The following SLC12A6 variants were observed in gnomAD, a reference collection of about 807,000 sequenced individuals.
The protein encoded by SLC12A6 is solute carrier family 12 member 6.
In SLC12A6, 66 loss-of-function variants were observed where a neutral mutation model predicts 135.3. That is an observed-to-expected ratio of 0.49 (90% CI 0.40 to 0.60). The LOEUF is 0.60. Ranked by LOEUF, SLC12A6 falls within the 20% of genes least tolerant of loss-of-function variation. The probability of loss-of-function intolerance (pLI) is 0.00; values close to 1 mark genes in which losing one functional copy is unlikely to be tolerated. For missense variants in SLC12A6, 1,058 were observed against 1,452.3 expected (o/e 0.73, Z 4.41); for synonymous variants, 513 against 508.8 (o/e 1.01, Z -0.11).
In SLC12A6 at chr15:34,252,270, G is replaced by A; in HGVS notation, c.1233C>T (p.Asn411=). ...AGGTGGCATTGAAAAATTGACTCGA[G>A]TTACAGAAGAATCCCCATAACTTTG... ...VPSKLWGFFC[N]SSQFFNATCD... is the part of the protein sequence containing the mutation. Residue 411 remains asparagine (N), a synonymous_variant, in exon 10 of 26, where the codon AAC becomes AAT. Transcript: ENST00000354181. 1 of 1,606,672 alleles carries A rather than the reference G, an allele frequency of 6.2e-7. No individual in the cohort carries two copies. Among genetic ancestry groups the A allele is most frequent in the Non-Finnish European group, 8.5e-7 (1 of 1,173,258 alleles).
intron 3 of SLC12A6, among the ~76,000 whole-genome samples, chr15:34,267,185 C>T (rs1407609725): frequency 1.3e-5 from 2 of 151,790 alleles, no homozygotes; most frequent in East Asian, 3.9e-4. Flanking sequence ...TTCCAATTTT[C>T]TCCTCCTGAC....
At position 34,257,657 on chromosome 15, in the gene SLC12A6, A is replaced by G. The variant is rs2140745919; in HGVS notation, c.675T>C (p.Leu225=). The G allele has an allele frequency of 6.2e-7, 1 of 1,613,802 alleles. No individual in the cohort carries two copies. Among genetic ancestry groups the G allele is most frequent in the Non-Finnish European group, 8.5e-7 (1 of 1,179,714 alleles). ...CAGTACTTACACAGCAGCAGCAGAT[A>G]AGGACAATTGCAAAAGCCTGAAGAA... ...AGVLQAFAIV[L]ICCCCTMLTA... Residue 225 remains leucine, a synonymous_variant, in exon 6 of 26, where the codon CTT becomes CTC. Coordinates refer to ENST00000354181, the MANE Select transcript of SLC12A6 (RefSeq NM_001365088.1).
At chr15:34,325,316 A>G (rs75871767) in intron 2 of SLC12A6, among the ~76,000 whole-genome samples, 1 of 152,228 alleles carries the variant, frequency 6.6e-6, no homozygotes, top group African/African-American at 2.4e-5. Flanking sequence ...AATATAAAAA[A>G]GATCACAAAT....
intron 2 of SLC12A6, among the ~76,000 whole-genome samples, chr15:34,304,514 G>A (rs919047647): frequency 6.6e-6 from 1 of 152,214 alleles, no homozygotes; most frequent in African/African-American, 2.4e-5. Flanking sequence ...AGTAGCAGAT[G>A]AGAGTTTCAA....
rs1430410967 is a variant in SLC12A6, at chr15:34,254,376, T to C, written c.1090A>G (p.Lys364Glu). ...SILAIYAGAI[K>E]SSFAPPHFPV... The stretch of plus-strand genomic sequence containing the variant: ...AAGTGTGGAGGAGCAAAAGAAGACT[T>C]GATGGCTCCAGCATAGATGGCCAAG... Residue 364 changes from lysine (K) to glutamate (E), a missense_variant, in exon 9 of 26, where the codon AAG becomes GAG. Physicochemically the swap from Lys to Glu is moderately conservative, Grantham distance 56. Transcript: ENST00000354181. The C allele has an allele frequency of 6.2e-7, 1 of 1,613,752 alleles. No individual in the cohort carries two copies. The highest frequency in any genetic ancestry group is 8.5e-7 in the Non-Finnish European group (1 of 1,179,692).
intron 2 of SLC12A6, among the ~76,000 whole-genome samples, chr15:34,287,176 CCT>C (rs1375111303): frequency 6.6e-6 from 1 of 152,096 alleles, no homozygotes; most frequent in African/African-American, 2.4e-5. Context: ...TGTTCCCCTC[CCT>C]GTGTCCATGT....
intron 2 of SLC12A6, among the ~76,000 whole-genome samples, chr15:34,283,214 G>C (rs976534397): frequency 3.3e-5 from 5 of 152,068 alleles, no homozygotes; most frequent in Non-Finnish European, 7.4e-5. Flanking sequence ...ATGGTGGCAG[G>C]CACCTGTAAT....
chr15:34,265,462 CAAG>C (rs1157797095), intron 3 of SLC12A6, among the ~76,000 whole-genome samples: 1 of 149,848 alleles, frequency 6.7e-6, no homozygotes, highest in Non-Finnish European at 1.5e-5. Context: ...AAAAGAATTT[CAAG>C]AAGTGGTAAG....
At chr15:34,240,856 G>A (rs1244324747) in intron 18 of SLC12A6, 27 bp from the exon 19 acceptor site, 12 of 1,592,760 alleles carry the variant, frequency 7.5e-6, no homozygotes, top group African/African-American at 1.3e-5. Context: ...GGGGGTTGGA[G>A]GGGAGGAGAA....
chr15:34,268,737 C>G (rs1239072844), intron 3 of SLC12A6, among the ~76,000 whole-genome samples: 1 of 152,118 alleles, frequency 6.6e-6, no homozygotes, highest in African/African-American at 2.4e-5. Context: ...TATTCCAGGG[C>G]TCTTTTAGGA....
intron 2 of SLC12A6, among the ~76,000 whole-genome samples, chr15:34,325,737 A>C (rs1889416324): frequency 6.6e-6 from 1 of 152,158 alleles, no homozygotes; most frequent in Non-Finnish European, 1.5e-5. Flanking sequence ...TCATGCTTTA[A>C]CTGAGGCTGA....
At chr15:34,290,616 CTT>C (rs1276387848) in intron 2 of SLC12A6, among the ~76,000 whole-genome samples, 4 of 152,138 alleles carry the variant, frequency 2.6e-5, no homozygotes, top group African/African-American at 9.7e-5. Flanking sequence ...GTCTAAGTCT[CTT>C]TGTAGGTCTC....
chr15:34,271,222 T>C (rs1457903109), intron 3 of SLC12A6, among the ~76,000 whole-genome samples: 1 of 152,238 alleles, frequency 6.6e-6, no homozygotes, highest in South Asian at 2.1e-4. Context: ...TAGTGAATTA[T>C]ATAAATTAAC....
At chr15:34,318,481 C>T (rs1888810043) in intron 2 of SLC12A6, 1 of 1,089,268 alleles carries the variant, frequency 9.2e-7, no homozygotes, top group Non-Finnish European at 1.4e-6. Context: ...CTAAAGAAGG[C>T]ATTTTGAATT....
At chr15:34,265,179 AGAGC>A (rs1893419022) in intron 3 of SLC12A6, among the ~76,000 whole-genome samples, 1 of 152,240 alleles carries the variant, frequency 6.6e-6, no homozygotes, top group Non-Finnish European at 1.5e-5. Flanking sequence ...CCTGGGCGAC[AGAGC>A]GAGACTCCGT....
chr15:34,258,930 G>T lies in SLC12A6; in HGVS notation c.426C>A (p.Thr142=). Residue 142 remains threonine, a synonymous_variant, in exon 5 of 26, where the codon ACC becomes ACA. Transcript: ENST00000354181. The stretch of plus-strand genomic sequence containing the variant: ...TGAGGAGGGAAGACACCTTCGGTCT[G>T]GTGTCCATTTCTTCCTATAAAGCCA... ...NLALFEEEMD[T]RPKVSSLLNR... is the part of the protein sequence containing the mutation. 6.2e-7 allele frequency: 1 copy of T among 1,610,706 alleles called. No individual in the cohort carries two copies.
At chr15:34,285,717 T>TATATACACACACACACACACACA (rs144158165) in intron 2 of SLC12A6, among the ~76,000 whole-genome samples, 26 of 131,112 alleles carry the variant, frequency 2.0e-4, no homozygotes, top group African/African-American at 7.4e-4. Context: ...TGTGTGTTTG[T>TATATACACACACACACACACACA]CATACATAAA....
chr15:34,275,103 T>A (rs567159027), intron 3 of SLC12A6, among the ~76,000 whole-genome samples: 8 of 152,292 alleles, frequency 5.3e-5, no homozygotes, highest in African/African-American at 1.7e-4. Context: ...GTTCTTAGAT[T>A]TTTTTTAACC....
chr15:34,248,796 C>G (rs577373745), intron 13 of SLC12A6, among the ~76,000 whole-genome samples: 7 of 152,150 alleles, frequency 4.6e-5, no homozygotes, highest in South Asian at 4.1e-4. Flanking sequence ...GAGTGTTTAC[C>G]TCTGTTTGGG....
Sources: allele counts gnomAD v4.1 joint callset (sites outside exome capture counted in the v4.1 genomes callset), GRCh38; gene constraint gnomAD v4.1.1; transcripts MANE v1.5; gene names NCBI Gene and HGNC (gene_info 2026-07-23, HGNC 2026-07-21).